Variants in OXSR1 observed in about 807,000 individuals in gnomAD.
The protein encoded by OXSR1 is serine/threonine-protein kinase OSR1.
A neutral mutation model predicts 79.8 loss-of-function variants in OXSR1; 24 were observed. That is an observed-to-expected ratio of 0.30 (90% CI 0.22 to 0.42). The LOEUF is 0.42. Among genes scored for constraint, OXSR1 ranks in the 10% least tolerant of loss-of-function variants. The pLI is 1.00. For synonymous variants in OXSR1, 226 were observed against 209.2 expected (o/e 1.08, Z -0.69); for missense variants, 430 against 618.4 (o/e 0.70, Z 3.23).
chr3:38,207,625 C>G (rs1348919517), intron 4 of OXSR1, among the ~76,000 whole-genome samples: 1 of 152,116 alleles, frequency 6.6e-6, no homozygotes, highest in African/African-American at 2.4e-5. Flanking sequence ...TTTATCCTAT[C>G]ATGTCCAGGA....
chr3:38,215,839 C>G (rs1702472019), intron 4 of OXSR1, among the ~76,000 whole-genome samples: 1 of 152,034 alleles, frequency 6.6e-6, no homozygotes, highest in Non-Finnish European at 1.5e-5. Flanking sequence ...TCTTTGGCCA[C>G]TTTTATCCCG....
chr3:38,220,492 A>G (rs1261608633), intron 5 of OXSR1, among the ~76,000 whole-genome samples: 2 of 152,210 alleles, frequency 1.3e-5, no homozygotes, highest in Non-Finnish European at 2.9e-5. Context: ...GAAAAGGTGT[A>G]TAAAAGTTGG....
At chr3:38,167,483 A>G (rs1701490479) in intron 1 of OXSR1, among the ~76,000 whole-genome samples, 1 of 152,234 alleles carries the variant, frequency 6.6e-6, no homozygotes, top group Non-Finnish European at 1.5e-5. Flanking sequence ...ACAAAGACCA[A>G]CTGAAGACTT....
At chr3:38,227,590 T>C in intron 8 of OXSR1, among the ~76,000 whole-genome samples, 1 of 143,492 alleles carries the variant, frequency 7.0e-6, no homozygotes, top group Admixed American at 6.8e-5. Flanking sequence ...CACACACAAA[T>C]GTACGTATAC....
chr3:38,234,682 C>T (rs1440832613), intron 10 of OXSR1, among the ~76,000 whole-genome samples: 1 of 152,220 alleles, frequency 6.6e-6, no homozygotes, highest in Non-Finnish European at 1.5e-5. Context: ...AGCAGTCTGG[C>T]AGTTCCTCAG....
rs1333075156 is a variant in OXSR1 at position 38,195,211 on chromosome 3, G to A, written c.293-3511G>A. Among the ~76,000 whole-genome samples, 3 of 152,050 alleles carry A rather than the reference G, an allele frequency of 2.0e-5. No individual in the cohort carries two copies. In the South Asian group the frequency reaches 6.2e-4, roughly 32 times the overall value. ...AATCAAAGTAATTAAGAAAACTTCTGAGAGGAAAAAAAAGGTACCTGTAGT... is the reference window on the plus strand; with the variant it reads ...AATCAAAGTAATTAAGAAAACTTCTAAGAGGAAAAAAAAGGTACCTGTAGT... On this transcript the variant is annotated intron_variant, in intron 3 of 17. Coordinates refer to ENST00000311806, the MANE Select transcript of OXSR1 (RefSeq NM_005109.3).
At chr3:38,238,223 G>A (rs537727842) in intron 11 of OXSR1, among the ~76,000 whole-genome samples, 2 of 152,072 alleles carry the variant, frequency 1.3e-5, no homozygotes, top group South Asian at 4.2e-4. Flanking sequence ...GCATTTTTGA[G>A]ACCATGAATT....
At position 38,224,591 on chromosome 3, in the gene OXSR1, G is replaced by A; in HGVS notation, c.723G>A (p.Gln241=). The A allele has an allele frequency of 6.3e-7, 1 of 1,590,898 alleles. No homozygotes were observed. The highest frequency in any genetic ancestry group is 8.5e-7 in the Non-Finnish European group (1 of 1,172,466). ...PPMKVLMLTL[Q]NDPPSLETGV... ...TGCAGGTTTTAATGCTGACACTGCA[G>A]AACGATCCTCCTTCTTTGGAAACTG... Residue 241 remains glutamine (Q), a synonymous_variant, in exon 8 of 18, where the codon CAG becomes CAA. Coordinates refer to ENST00000311806, the MANE Select transcript of OXSR1 (RefSeq NM_005109.3).
At chr3:38,237,003 T>C in intron 11 of OXSR1, 42 bp downstream of exon 11, 1 of 1,568,876 alleles carries the variant, frequency 6.4e-7, no homozygotes, top group Non-Finnish European at 8.7e-7. Context: ...GAACTTTTTG[T>C]AGTTCTTGTT....
At chr3:38,201,405 A>T (rs997914206) in intron 4 of OXSR1, among the ~76,000 whole-genome samples, 2 of 151,602 alleles carry the variant, frequency 1.3e-5, no homozygotes, top group Non-Finnish European at 1.5e-5. Flanking sequence ...CTACAAAAAA[A>T]TTTTTTAAAA....
chr3:38,223,948 A>C (rs1261321307), intron 7 of OXSR1, 35 bp downstream of exon 7: 9 of 1,306,496 alleles, frequency 6.9e-6, no homozygotes, highest in Non-Finnish European at 9.7e-6. Flanking sequence ...CCCCAGCTCA[A>C]GTCCCAATTC....
chr3:38,175,474 A>G (rs565683573), intron 1 of OXSR1, among the ~76,000 whole-genome samples: 14 of 151,808 alleles, frequency 9.2e-5, no homozygotes, highest in Non-Finnish European at 2.1e-4. Flanking sequence ...TAATTTTTGT[A>G]TTTTTTTGTA....
chr3:38,193,354 C>T (rs1457354831), intron 3 of OXSR1: 3 of 1,288,120 alleles, frequency 2.3e-6, no homozygotes, highest in East Asian at 5.5e-5. Flanking sequence ...TTGCTAACAC[C>T]AACCACCTTT....
At chr3:38,201,409 T>C (rs1702161234) in intron 4 of OXSR1, among the ~76,000 whole-genome samples, 1 of 151,138 alleles carries the variant, frequency 6.6e-6, no homozygotes, top group Non-Finnish European at 1.5e-5. Flanking sequence ...AAAAAAATTT[T>C]TTAAAATTAT....
At chr3:38,172,657 A>G (rs1414354563) in intron 1 of OXSR1, among the ~76,000 whole-genome samples, 1 of 152,174 alleles carries the variant, frequency 6.6e-6, no homozygotes, top group Admixed American at 6.5e-5. Context: ...ATAAATGTGA[A>G]GGACTTCGTG....
intron 5 of OXSR1, among the ~76,000 whole-genome samples, chr3:38,218,459 T>C (rs939319579): frequency 1.3e-5 from 2 of 152,212 alleles, no homozygotes; most frequent in Admixed American, 1.3e-4. Flanking sequence ...GCCATTTGTA[T>C]ATCTTCTTTG....
chr3:38,184,072 G>A (rs1005067254), intron 2 of OXSR1, among the ~76,000 whole-genome samples: 1 of 152,128 alleles, frequency 6.6e-6, no homozygotes, highest in African/African-American at 2.4e-5. Flanking sequence ...TATACAGCTA[G>A]TGCTAGAAAG....
At chr3:38,191,769 G>T (rs894463971) in intron 3 of OXSR1, among the ~76,000 whole-genome samples, 2 of 134,310 alleles carry the variant, frequency 1.5e-5, no homozygotes, top group African/African-American at 5.7e-5. Context: ...TACTTTGTAA[G>T]TATCCAGTTC....
intron 12 of OXSR1, among the ~76,000 whole-genome samples, chr3:38,244,670 T>TGTGTGTGTGTGTGTGTGTGTGTGTGC (rs1491372358): frequency 6.7e-6 from 1 of 149,626 alleles, no homozygotes; most frequent in Non-Finnish European, 1.5e-5. Flanking sequence ...TGTGTGTGCG[T>TGTGTGTGTGTGTGTGTGTGTGTGTGC]GCGCATGTAC....
Sources: allele counts gnomAD v4.1 joint callset (sites outside exome capture counted in the v4.1 genomes callset), GRCh38; gene constraint gnomAD v4.1.1; transcripts MANE v1.5; gene names NCBI Gene and HGNC (gene_info 2026-07-23, HGNC 2026-07-21).